The following ZSWIM5 variants were observed in gnomAD, a reference collection of about 807,000 sequenced individuals.
ZSWIM5 encodes the protein zinc finger SWIM domain-containing protein 5.
ZSWIM5 carries 55 observed loss-of-function variants against 119.6 expected under a neutral mutation model. The ratio of observed to expected loss-of-function variants is 0.46; its 90% CI spans 0.37 to 0.58. ZSWIM5 has a LOEUF of 0.58. Among genes scored for constraint, ZSWIM5 ranks in the 20% least tolerant of loss-of-function variants. The pLI, the probability that ZSWIM5 is intolerant of heterozygous loss-of-function variation, is 0.00. For missense variants in ZSWIM5, 1,193 were observed against 1,512.8 expected (o/e 0.79, Z 3.51); for synonymous variants, 537 against 606.9 (o/e 0.88, Z 1.69).
rs780931306 is a variant in ZSWIM5, at chr1:45,088,086, T to C, written c.747A>G (p.Val249=). 3.2e-5 allele frequency: 52 copies of C among 1,614,080 alleles called. 1 individual carries two copies. The highest frequency in any genetic ancestry group is 3.3e-5 in the Non-Finnish European group (39 of 1,180,026). Residue 249 remains valine, a synonymous_variant, in exon 2 of 14, where the codon GTA becomes GTG. Coordinates refer to ENST00000359600, the MANE Select transcript of ZSWIM5 (RefSeq NM_020883.2). The surrounding 1 kb of genome is among the most constrained non-coding windows in gnomAD (Gnocchi z 4.2). The stretch of plus-strand genomic sequence containing the variant: ...TACGGATCCTGTAGAGTGAGAGTGC[T>C]ACCACATGGGCACAGTAGAATATGT... The part of the protein sequence containing the change: ...NKDIFYCAHV[V]ALSLYRIRKP...
At chr1:45,129,102 C>A (rs1237112054) in intron 1 of ZSWIM5, among the ~76,000 whole-genome samples, 1 of 143,948 alleles carries the variant, frequency 6.9e-6, no homozygotes, top group East Asian at 2.1e-4. Context: ...TTATTTAGGT[C>A]TTCTTTGATT....
chr1:45,077,753 G>C (rs1285464878), intron 2 of ZSWIM5, among the ~76,000 whole-genome samples: 1 of 152,156 alleles, frequency 6.6e-6, no homozygotes, highest in African/African-American at 2.4e-5. Context: ...TACGCCCCGG[G>C]GGGGCCAGTT....
chr1:45,107,776 C>CTT (rs1570107235), intron 1 of ZSWIM5, among the ~76,000 whole-genome samples: 1 of 151,898 alleles, frequency 6.6e-6, no homozygotes, highest in African/African-American at 2.4e-5. Flanking sequence ...CAGATGCCTC[C>CTT]TTTTCTTTCT....
intron 1 of ZSWIM5, among the ~76,000 whole-genome samples, chr1:45,193,510 T>A (rs1163075776): frequency 6.6e-6 from 1 of 152,152 alleles, no homozygotes; most frequent in African/African-American, 2.4e-5. Context: ...AAGAGAAATG[T>A]ATAGTAGACT....
At chr1:45,092,338 C>A (rs1053886600) in intron 1 of ZSWIM5, among the ~76,000 whole-genome samples, 1 of 152,022 alleles carries the variant, frequency 6.6e-6, no homozygotes, top group Non-Finnish European at 1.5e-5. Context: ...ACTCTGTCGC[C>A]CAGGCAGGAG....
intron 1 of ZSWIM5, among the ~76,000 whole-genome samples, chr1:45,114,980 A>G (rs1018798208): frequency 6.6e-6 from 1 of 152,246 alleles, no homozygotes; most frequent in Non-Finnish European, 1.5e-5. Flanking sequence ...ATAGATCAAC[A>G]GCATCCCAAG....
intron 2 of ZSWIM5, among the ~76,000 whole-genome samples, chr1:45,064,145 C>T (rs375887585): frequency 2.0e-5 from 3 of 152,236 alleles, no homozygotes; most frequent in East Asian, 3.9e-4. Context: ...CATCTTATTA[C>T]GCTCATGTGC....
chr1:45,138,945 G>A (rs1269030096), intron 1 of ZSWIM5, among the ~76,000 whole-genome samples: 1 of 148,468 alleles, frequency 6.7e-6, no homozygotes, highest in Non-Finnish European at 1.5e-5. Context: ...AGGCTGGAGT[G>A]CAATGGAGTG....
At chr1:45,079,422 C>T (rs574775543) in intron 2 of ZSWIM5, among the ~76,000 whole-genome samples, 195 of 152,268 alleles carry the variant, frequency 1.3e-3, no homozygotes, top group Non-Finnish European at 2.3e-3. Context: ...CACAGGCCCA[C>T]GAGGAGTACC....
intron 1 of ZSWIM5, among the ~76,000 whole-genome samples, chr1:45,125,483 C>CAA (rs58335990): frequency 3.7e-4 from 55 of 150,410 alleles, no homozygotes; most frequent in South Asian, 1.7e-3. Flanking sequence ...TGCTTTACAT[C>CAA]AAAAAAAACA....
At chr1:45,070,407 G>A (rs1645214808) in intron 2 of ZSWIM5, 19 of 1,407,920 alleles carry the variant, frequency 1.3e-5, no homozygotes, top group African/African-American at 4.3e-5. Flanking sequence ...CACAAAGAAC[G>A]GGACATGGTA....
intron 1 of ZSWIM5, among the ~76,000 whole-genome samples, chr1:45,168,323 G>T (rs545856238): frequency 2.0e-5 from 3 of 151,788 alleles, no homozygotes; most frequent in Non-Finnish European, 4.4e-5. Context: ...AGGGCCTGTC[G>T]TGGGCTGGGG....
intron 4 of ZSWIM5, among the ~76,000 whole-genome samples, chr1:45,052,896 C>T (rs550220565): frequency 2.0e-5 from 3 of 151,790 alleles, no homozygotes; most frequent in South Asian, 4.2e-4. Flanking sequence ...CTGAGGTGGG[C>T]GGATCACCTG....
In ZSWIM5 at chr1:45,036,233, C is replaced by T; in HGVS notation, c.1961G>A (p.Ser654Asn). 1 of 1,614,152 alleles carries T rather than the reference C, an allele frequency of 6.2e-7. No homozygotes were observed. The highest frequency in any genetic ancestry group is 8.5e-7 in the Non-Finnish European group (1 of 1,180,036). ...VPVAAGSPNS[S>N]ESYLSLALEV... ...CAGGGCCAATGACAGGTAGGACTCA[C>T]TGCTGTTTGGGGAGCCTGCAGCCAC... Residue 654 changes from serine to asparagine, a missense_variant, in exon 9 of 14, where the codon AGT (serine) becomes AAT (asparagine). Physicochemically the swap from Ser to Asn is conservative, Grantham distance 46 (BLOSUM62 1). Transcript: ENST00000359600.
chr1:45,035,175 ATTC>A (rs1644975305), intron 10 of ZSWIM5, among the ~76,000 whole-genome samples: 2 of 152,184 alleles, frequency 1.3e-5, no homozygotes, highest in African/African-American at 2.4e-5. Context: ...TCTGACTAAA[ATTC>A]TTCTTCTGTA....
intron 10 of ZSWIM5, among the ~76,000 whole-genome samples, chr1:45,035,015 T>C (rs1340051390): frequency 1.3e-5 from 2 of 152,194 alleles, no homozygotes; most frequent in Non-Finnish European, 2.9e-5. Flanking sequence ...CTCAAACTCC[T>C]GGGCTCAAGC....
intron 2 of ZSWIM5, among the ~76,000 whole-genome samples, chr1:45,066,601 G>A (rs1645185342): frequency 6.6e-6 from 1 of 152,192 alleles, no homozygotes; most frequent in Non-Finnish European, 1.5e-5. Context: ...ATAAGGGAGG[G>A]AGGATAGAAA....
chr1:45,161,895 A>G (rs1358301390), intron 1 of ZSWIM5, among the ~76,000 whole-genome samples: 5 of 152,216 alleles, frequency 3.3e-5, no homozygotes. Context: ...ACACTGCTCC[A>G]TGAAAGTGAA....
In ZSWIM5 at chr1:45,173,156, C is replaced by A. The variant is rs146625138; in HGVS notation, c.595+32600G>T. 2.1e-3 allele frequency among the ~76,000 whole-genome samples: 321 copies of A among 152,136 alleles called. 3 individuals are homozygous for A. The highest frequency in any genetic ancestry group is 7.1e-3 in the African/African-American group (294 of 41,524). On this transcript the variant is annotated intron_variant, in intron 1 of 13. Transcript: ENST00000359600. ...CTCCAGCCTGGGTGACATAGCAAGA[C>A]CTTGTCTCAAAAATTATAATCATCA...
Sources: allele counts gnomAD v4.1 joint callset (sites outside exome capture counted in the v4.1 genomes callset), GRCh38; gene constraint gnomAD v4.1.1; non-coding constraint Gnocchi (gnomAD v3.1); transcripts MANE v1.5; gene names NCBI Gene and HGNC (gene_info 2026-07-23, HGNC 2026-07-21).